Variants in ARHGAP11B observed in about 807,000 individuals in gnomAD.
ARHGAP11B encodes inactive Rho GTPase-activating protein 11B.
ARHGAP11B carries 14 observed loss-of-function variants against 27.6 expected under a neutral mutation model. The ratio of observed to expected loss-of-function variants is 0.51; its 90% CI spans 0.34 to 0.79. The LOEUF is 0.79. Among genes scored for constraint, ARHGAP11B ranks in the 30% least tolerant of loss-of-function variants. The pLI, the probability that ARHGAP11B is intolerant of heterozygous loss-of-function variation, is 0.02. For synonymous variants in ARHGAP11B, 82 were observed against 114.1 expected, an observed-to-expected ratio of 0.72 and a Z score of 1.80; for missense variants, 245 against 320.1, an observed-to-expected ratio of 0.77 and a Z score of 1.79.
At chr15:30,630,506 A>G (rs2060237718) in intron 1 of ARHGAP11B, among the ~76,000 whole-genome samples, 197 bp from the exon 2 acceptor site, 1 of 152,032 alleles carries the variant, frequency 6.6e-6, no homozygotes. Flanking sequence ...TTGTACTCCC[A>G]GCACTCAGCA....
rs1258072584 is a variant in ARHGAP11B, at chr15:30,626,938, A to G, written c.118A>G (p.Thr40Ala). ...TCGCAGGAGACATGAAACAGCAGCC[A>G]CGGAAATAGGGGTAAGTTCTGTGAA... The change falls in exon 1 of 11, where the codon ACG becomes GCG. Residue 40 changes from threonine (T) to alanine (A), a missense_variant. Thr to Ala is a moderately conservative substitution (Grantham distance 58). Coordinates refer to ENST00000428041, the Ensembl canonical transcript of ARHGAP11B. 45 of 1,613,266 alleles carry G rather than the reference A, an allele frequency of 2.8e-5. 3 individuals are homozygous for G. The highest frequency in any genetic ancestry group is 5.0e-5 in the Admixed American group (3 of 59,836).
chr15:30,635,471 G>T lies in ARHGAP11B; in HGVS notation c.661-16G>T, dbSNP rs565559996. The T allele has an allele frequency of 3.7e-6, 6 of 1,611,106 alleles. No individual in the cohort carries two copies. Among genetic ancestry groups the T allele is most frequent in the African/African-American group, 1.3e-5 (1 of 74,660 alleles). Reference sequence around the variant, plus strand: ...GAAGGATAATAATTGTCTTACTTGTGAACATTTTCATTTAGGGCGTGTACC... The same window carrying T: ...GAAGGATAATAATTGTCTTACTTGTTAACATTTTCATTTAGGGCGTGTACC... On this transcript the variant is annotated splice_polypyrimidine_tract_variant and intron_variant, in intron 5 of 10. Coordinates refer to ENST00000428041, the Ensembl canonical transcript of ARHGAP11B.
At chr15:30,630,909 G>C (rs1157563169) in intron 2 of ARHGAP11B, 136 bp downstream of exon 2, 1 of 1,480,200 alleles carries the variant, frequency 6.8e-7, no homozygotes, top group Non-Finnish European at 9.1e-7. Flanking sequence ...GTGAGACCTT[G>C]TCGCAAAAGA....
At chr15:30,647,272 T>G (rs1056675985) in intron 9 of ARHGAP11B, among the ~76,000 whole-genome samples, 11 of 151,962 alleles carry the variant, frequency 7.2e-5, no homozygotes, top group African/African-American at 2.7e-4. Flanking sequence ...TTGGCAGAGT[T>G]TTTGGAGTCA....
At chr15:30,645,361 G>A (rs1466845307) in intron 8 of ARHGAP11B, among the ~76,000 whole-genome samples, 1 of 151,726 alleles carries the variant, frequency 6.6e-6, no homozygotes, top group Non-Finnish European at 1.5e-5. Flanking sequence ...CTAGCTAAGG[G>A]TTTGTATCAG....
chr15:30,626,735 T>C (rs1477857463), exon 1 of ARHGAP11B: 4 of 1,511,798 alleles, frequency 2.6e-6, no homozygotes, highest in Middle Eastern at 1.9e-4. Context: ...GGAGTTCAAA[T>C]TTGAGAGCGT....
intron 7 of ARHGAP11B, among the ~76,000 whole-genome samples, chr15:30,639,993 T>TGTGTGC (rs2060305714): frequency 6.6e-6 from 1 of 151,556 alleles, no homozygotes; most frequent in African/African-American, 2.4e-5. Context: ...TGTGTGTGTG[T>TGTGTGC]GTGTGTGTGT....
At chr15:30,631,117 C>G (rs899410402) in intron 2 of ARHGAP11B, among the ~76,000 whole-genome samples, 11 of 150,868 alleles carry the variant, frequency 7.3e-5, no homozygotes, top group African/African-American at 2.7e-4. Context: ...TTGTTTCAAA[C>G]CAGCAAATGA....
chr15:30,628,778 C>T (rs2060225224), intron 1 of ARHGAP11B, among the ~76,000 whole-genome samples: 1 of 152,012 alleles, frequency 6.6e-6, no homozygotes, highest in Admixed American at 6.6e-5. Flanking sequence ...TTTCTTTAGC[C>T]GACTGGTGTT....
chr15:30,645,838 G>A (rs914249112), intron 8 of ARHGAP11B, among the ~76,000 whole-genome samples: 2 of 151,962 alleles, frequency 1.3e-5, no homozygotes, highest in Non-Finnish European at 2.9e-5. Flanking sequence ...TTTTGTTATA[G>A]TCTAGGTTGT....
At chr15:30,642,076 G>T (rs965796049) in intron 7 of ARHGAP11B, among the ~76,000 whole-genome samples, 1 of 151,966 alleles carries the variant, frequency 6.6e-6, no homozygotes, top group Non-Finnish European at 1.5e-5. Flanking sequence ...TGACACTTTA[G>T]ATGTATAATA....
intron 1 of ARHGAP11B, 81 bp downstream of exon 1, chr15:30,627,030 TG>T: frequency 1.3e-6 from 2 of 1,577,266 alleles, no homozygotes; most frequent in Admixed American, 3.5e-5. Flanking sequence ...CGTGCTAAAA[TG>T]TTCACTCTGT....
intron 1 of ARHGAP11B, among the ~76,000 whole-genome samples, chr15:30,628,020 T>C (rs1395150397): frequency 6.6e-6 from 1 of 151,798 alleles, no homozygotes; most frequent in Admixed American, 6.6e-5. Context: ...TAGCTGATTT[T>C]GTAAGTATAT....
exon 1 of ARHGAP11B, chr15:30,626,577 T>C: frequency 1.9e-6 from 1 of 533,098 alleles, no homozygotes; most frequent in South Asian, 3.2e-5. Flanking sequence ...TCGCTGTAAG[T>C]GAAGGAAGAG....
intron 10 of ARHGAP11B, among the ~76,000 whole-genome samples, chr15:30,647,876 A>G (rs2060360896): frequency 6.6e-6 from 1 of 151,996 alleles, no homozygotes; most frequent in African/African-American, 2.4e-5. Context: ...CCAATTATAA[A>G]TTTTAGAATA....
intron 6 of ARHGAP11B, among the ~76,000 whole-genome samples, chr15:30,637,078 C>A (rs1318335056): frequency 6.6e-6 from 1 of 151,838 alleles, no homozygotes; most frequent in East Asian, 1.9e-4. Flanking sequence ...CCCTCTTTCC[C>A]AGTCCTGTAG....
intron 1 of ARHGAP11B, 53 bp downstream of exon 1, chr15:30,627,002 C>T: frequency 1.2e-6 from 2 of 1,608,530 alleles, no homozygotes; most frequent in Non-Finnish European, 1.7e-6. Context: ...CACCCTTTAT[C>T]ATCACTTATT....
chr15:30,637,607 G>A (rs572460552), intron 6 of ARHGAP11B, among the ~76,000 whole-genome samples: 6 of 151,954 alleles, frequency 3.9e-5, no homozygotes, highest in South Asian at 2.1e-4. Flanking sequence ...GGTGGCGGGC[G>A]CCTGTAGTCC....
rs1255750048 is a variant in ARHGAP11B at position 30,632,427 on chromosome 15, G to GA, written c.201-1052dup. 5.0e-3 allele frequency among the ~76,000 whole-genome samples: 706 copies of GA among 142,120 alleles called. 9 individuals are homozygous for GA. Among genetic ancestry groups the GA allele is most frequent in the African/African-American group, 0.017 (659 of 39,072 alleles). The allele number at this position is 142,120 out of a possible 152,430, so 93.2% of individuals were successfully genotyped here. ...CGAGACACTGTCTCAAAAACTAAAA[G>GA]AAAAAAAAAAAGCAGATTTTCGGCG... is the stretch of plus-strand genomic sequence containing the variant. On this transcript the variant is annotated intron_variant, in intron 2 of 10. Coordinates refer to ENST00000428041, the Ensembl canonical transcript of ARHGAP11B.
Sources: gnomAD v4.1 joint callset for allele counts (sites outside exome capture counted in the v4.1 genomes callset) on GRCh38, gnomAD v4.1.1 for gene constraint, MANE v1.5 for transcripts, NCBI Gene and HGNC (gene_info 2026-07-23, HGNC 2026-07-21) for gene names.